The following S100A11 variants were observed in gnomAD, a reference collection of about 807,000 sequenced individuals.
The protein encoded by S100A11 is protein S100-A11.
S100A11 carries 5 observed loss-of-function variants against 7.4 expected under a neutral mutation model. The observed-to-expected ratio is 0.68, with a 90% CI of 0.35 to 1.42. S100A11 has a LOEUF of 1.42. S100A11 is among the 40% of genes most tolerant of loss of function. The pLI is 0.04. For synonymous variants in S100A11, 47 were observed against 46.6 expected, an observed-to-expected ratio of 1.01 and a Z score of -0.04; for missense variants, 96 against 125.0, an observed-to-expected ratio of 0.77 and a Z score of 1.11.
At chr1:152,035,394 G>T (rs1656812905) in intron 1 of S100A11, among the ~76,000 whole-genome samples, 1 of 152,146 alleles carries the variant, frequency 6.6e-6, no homozygotes, top group Non-Finnish European at 1.5e-5. Context: ...AATGCAGACA[G>T]TTTTGCTTTT....
At position 152,033,612 on chromosome 1, in the gene S100A11, G is replaced by A. The variant is rs1339540673; in HGVS notation, c.156+36C>T. The A allele has an allele frequency of 1.2e-6, 2 of 1,603,224 alleles. No individual in the cohort carries two copies. The highest frequency in any genetic ancestry group is 1.3e-5 in the African/African-American group (1 of 74,698). On this transcript the variant is annotated intron_variant, in intron 2 of 2. Transcript: ENST00000271638. The surrounding 1 kb of genome is among the most constrained non-coding windows in gnomAD (Gnocchi z 4.0). ...GCCAGGGTCTTGTTTCATGTTGTGG[G>A]TAGTTTGGGGAAGTGGGGGAGACAG... is the stretch of plus-strand genomic sequence containing the variant.
In S100A11 at chr1:152,036,977, G is replaced by C; in HGVS notation, c.-62C>G. On this transcript the variant is annotated 5_prime_UTR_variant, in exon 1 of 3. Transcript: ENST00000271638. ...GAGCGGCGCTGAGAGCTCTGTGCGC[G>C]CGGCGTGCGGGTCTGGAGCCTCTCC... 1 of 1,610,886 alleles carries C rather than the reference G, an allele frequency of 6.2e-7. No homozygotes were observed. The highest frequency in any genetic ancestry group is 8.5e-7 in the Non-Finnish European group (1 of 1,179,014).
chr1:152,032,904 A>T, intron 2 of S100A11, 81 bp from the exon 3 acceptor site: 1 of 1,063,904 alleles, frequency 9.4e-7, no homozygotes, highest in Non-Finnish European at 1.4e-6. Flanking sequence ...TTATTCTCAC[A>T]GGAGTATAAG....
chr1:152,033,762 G>C lies in S100A11; in HGVS notation c.42C>G (p.Ile14Met), dbSNP rs754870480. 3 of 1,613,816 alleles carry C rather than the reference G, an allele frequency of 1.9e-6. No individual in the cohort carries two copies. Among genetic ancestry groups the C allele is most frequent in the South Asian group, 2.2e-5 (2 of 91,070 alleles). ...TCTGGAAGACAGCAATCAGGGACTC[G>C]ATGCACCGCTCAGTCTCTGTAGGGC... ...ISSPTETERC[I>M]ESLIAVFQKY... Residue 14 changes from isoleucine (I) to methionine (M), a missense_variant, in exon 2 of 3, where the codon ATC becomes ATG. Ile to Met is a conservative substitution (Grantham distance 10). Coordinates refer to ENST00000271638, the MANE Select transcript of S100A11 (RefSeq NM_005620.2). This position sits in a 1 kb window ranked among gnomAD's most constrained non-coding sequence, Gnocchi z 4.0.
At position 152,036,966 on chromosome 1, in the gene S100A11, G is replaced by C. The variant is rs779900419; in HGVS notation, c.-51C>G. On this transcript the variant is annotated 5_prime_UTR_variant, in exon 1 of 3. Coordinates refer to ENST00000271638, the MANE Select transcript of S100A11 (RefSeq NM_005620.2). ...GCTGTGGCTGGGAGCGGCGCTGAGA[G>C]CTCTGTGCGCGCGGCGTGCGGGTCT... 61 of 1,611,326 alleles carry C rather than the reference G, an allele frequency of 3.8e-5. No homozygotes were observed. The highest frequency in any genetic ancestry group is 5.1e-5 in the Non-Finnish European group (60 of 1,179,048).
Position 152,036,951 on chromosome 1 carries a change from G to C in S100A11, c.-36C>G. ...AGCGAGGCGCGGGAGGCTGTGGCTG[G>C]GAGCGGCGCTGAGAGCTCTGTGCGC... On this transcript the variant is annotated 5_prime_UTR_variant, in exon 1 of 3. Transcript: ENST00000271638. 6.2e-7 allele frequency: 1 copy of C among 1,613,172 alleles called. No homozygotes were observed. The highest frequency in any genetic ancestry group is 8.5e-7 in the Non-Finnish European group (1 of 1,179,728).
chr1:152,036,723 A>C (rs1420890971), intron 1 of S100A11, among the ~76,000 whole-genome samples, 190 bp downstream of exon 1: 1 of 151,690 alleles, frequency 6.6e-6, no homozygotes, highest in Non-Finnish European at 1.5e-5. Context: ...CGGCCACCCC[A>C]AGGATGATTT....
In S100A11 at chr1:152,032,907, A is replaced by C. The variant is rs1557786533; in HGVS notation, c.157-84T>G. 3 of 1,061,120 alleles carry C rather than the reference A, an allele frequency of 2.8e-6. No individual in the cohort carries two copies. In the East Asian group the frequency reaches 7.2e-5, roughly 25 times the overall value. 65.7% of individuals were successfully genotyped at this position (1,061,120 alleles called of 1,614,324 possible). A position where few individuals can be genotyped will look rare whatever the true frequency, so the allele number is the denominator to read the frequency against. On this transcript the variant is annotated intron_variant, in intron 2 of 2. Coordinates refer to ENST00000271638, the MANE Select transcript of S100A11 (RefSeq NM_005620.2). ...TGCTGCCACATTTTATTCTCACAGG[A>C]GTATAAGGTACAGGATAGGGATTAT... is the stretch of plus-strand genomic sequence containing the variant.
At position 152,033,798 on chromosome 1, in the gene S100A11, T is replaced by C; in HGVS notation, c.6A>G (p.Ala2=). 1 of 1,614,102 alleles carries C rather than the reference T, an allele frequency of 6.2e-7. No homozygotes were observed. ...CAGTCTCTGTAGGGCTGGAGATTTT[T>C]GCCTTTGGAGAAAAAAAATTGCAGG... The part of the protein sequence containing the change: M[A]KISSPTETER... Residue 2 remains alanine (A), a splice_region_variant and synonymous_variant, in exon 2 of 3, where the codon GCA becomes GCG. Coordinates refer to ENST00000271638, the MANE Select transcript of S100A11 (RefSeq NM_005620.2). The surrounding 1 kb of genome is among the most constrained non-coding windows in gnomAD (Gnocchi z 4.0).
chr1:152,035,470 G>A (rs1396045207), intron 1 of S100A11, among the ~76,000 whole-genome samples: 1 of 152,188 alleles, frequency 6.6e-6, no homozygotes, highest in African/African-American at 2.4e-5. Flanking sequence ...GTGTAATTTA[G>A]AGATTATTTT....
Position 152,036,975 on chromosome 1 carries a change from G to C in S100A11, c.-60C>G. Reference sequence around the variant, plus strand: ...GGGAGCGGCGCTGAGAGCTCTGTGCGCGCGGCGTGCGGGTCTGGAGCCTCT... The same window carrying C: ...GGGAGCGGCGCTGAGAGCTCTGTGCCCGCGGCGTGCGGGTCTGGAGCCTCT... On this transcript the variant is annotated 5_prime_UTR_variant, in exon 1 of 3. Coordinates refer to ENST00000271638, the MANE Select transcript of S100A11 (RefSeq NM_005620.2). 1.2e-6 allele frequency: 2 copies of C among 1,610,976 alleles called. No homozygotes were observed. Among genetic ancestry groups the C allele is most frequent in the Non-Finnish European group, 1.7e-6 (2 of 1,178,988 alleles).
chr1:152,036,833 G>T, intron 1 of S100A11, 80 bp downstream of exon 1: 1 of 1,277,664 alleles, frequency 7.8e-7, no homozygotes. Flanking sequence ...CAAAGATAAA[G>T]TCTGCTGGGA....
chr1:152,032,818 C>T lies in S100A11; in HGVS notation c.162G>A (p.Gln54=), dbSNP rs1656766529. The T allele has an allele frequency of 6.2e-7, 1 of 1,606,556 alleles. No homozygotes were observed. The highest frequency in any genetic ancestry group is 1.7e-5 in the Admixed American group (1 of 59,858). ...TGCGGTCAAGGACACCAGGGTCCTT[C>T]TGGTTCTGCAGAGAAAATAATAATT... ...NTELAAFTKN[Q]KDPGVLDRMM... Residue 54 remains glutamine (Q), a synonymous_variant, in exon 3 of 3, where the codon CAG becomes CAA. Coordinates refer to ENST00000271638, the MANE Select transcript of S100A11 (RefSeq NM_005620.2).
Position 152,034,769 on chromosome 1 carries a change from T to C in S100A11, c.4-969A>G, listed in dbSNP as rs185192790. 5.5e-3 allele frequency among the ~76,000 whole-genome samples: 842 copies of C among 152,344 alleles called. 8 individuals are homozygous for C. Among genetic ancestry groups the C allele is most frequent in the African/African-American group, 0.019 (802 of 41,574 alleles). On this transcript the variant is annotated intron_variant, in intron 1 of 2. Coordinates refer to ENST00000271638, the MANE Select transcript of S100A11 (RefSeq NM_005620.2). ...TTACAGACTTTCTGGGAAACCGGCCTGGCCACACCCTTCCTCTGAGACTTT... is the reference window on the plus strand; with the variant it reads ...TTACAGACTTTCTGGGAAACCGGCCCGGCCACACCCTTCCTCTGAGACTTT...
intron 1 of S100A11, among the ~76,000 whole-genome samples, chr1:152,036,290 T>A (rs2999552): frequency 0.11 from 16,818 of 151,946 alleles, 1,746 homozygotes; most frequent in African/African-American, 0.27. Flanking sequence ...AGTGCCTAAA[T>A]AGATGGTGGG....
chr1:152,036,990 C>T lies in S100A11; in HGVS notation c.-75G>A. ...AGCTCTGTGCGCGCGGCGTGCGGGT[C>T]TGGAGCCTCTCCTCAACCCACGCCC... On this transcript the variant is annotated 5_prime_UTR_variant, in exon 1 of 3. Coordinates refer to ENST00000271638, the MANE Select transcript of S100A11 (RefSeq NM_005620.2). 6.2e-7 allele frequency: 1 copy of T among 1,606,868 alleles called. No homozygotes were observed.
intron 1 of S100A11, among the ~76,000 whole-genome samples, chr1:152,036,382 A>C (rs1392957386): frequency 2.0e-5 from 3 of 152,186 alleles, no homozygotes; most frequent in Non-Finnish European, 4.4e-5. Flanking sequence ...GCGGGCGGCG[A>C]CGGGCTAAAG....
rs376301167 is a variant in S100A11, at chr1:152,032,829, G to T, written c.157-6C>A. On this transcript the variant is annotated splice_region_variant and splice_polypyrimidine_tract_variant and intron_variant, in intron 2 of 2. Coordinates refer to ENST00000271638, the MANE Select transcript of S100A11 (RefSeq NM_005620.2). ...ACACCAGGGTCCTTCTGGTTCTGCAGAGAAAATAATAATTACACCTTTATA... is the reference window on the plus strand; with the variant it reads ...ACACCAGGGTCCTTCTGGTTCTGCATAGAAAATAATAATTACACCTTTATA... 56 of 1,600,232 alleles carry T rather than the reference G, an allele frequency of 3.5e-5. No homozygotes were observed. Among genetic ancestry groups the T allele is most frequent in the Middle Eastern group, 1.7e-4 (1 of 6,030 alleles).
At chr1:152,034,588 A>G (rs1365557097) in intron 1 of S100A11, among the ~76,000 whole-genome samples, 1 of 152,228 alleles carries the variant, frequency 6.6e-6, no homozygotes. Flanking sequence ...CACAGCATCT[A>G]CAATGTAAGA....
Sources: allele counts gnomAD v4.1 joint callset (sites outside exome capture counted in the v4.1 genomes callset), GRCh38; gene constraint gnomAD v4.1.1; non-coding constraint Gnocchi (gnomAD v3.1); transcripts MANE v1.5; gene names NCBI Gene and HGNC (gene_info 2026-07-23, HGNC 2026-07-21).